Variants in KREMEN1 observed in about 807,000 individuals in gnomAD.
KREMEN1 encodes the protein kringle containing transmembrane protein 1, also known as kremen protein 1.
Under a neutral mutation model 46.5 loss-of-function variants are expected in KREMEN1, and 30 were observed. The ratio of observed to expected loss-of-function variants is 0.65; its 90% CI spans 0.48 to 0.88. The LOEUF (loss-of-function observed/expected upper bound fraction) is 0.88. Ranked by LOEUF, KREMEN1 falls within the 40% of genes least tolerant of loss-of-function variation. The probability of loss-of-function intolerance (pLI) is 0.00; values close to 1 mark genes in which losing one functional copy is unlikely to be tolerated. For missense variants in KREMEN1, 533 were observed against 596.9 expected, an observed-to-expected ratio of 0.89 and a Z score of 1.11; for synonymous variants, 214 against 230.6, an observed-to-expected ratio of 0.93 and a Z score of 0.65.
Position 29,145,627 on chromosome 22 carries a change from G to C in KREMEN1, c.*3515G>C. 1.0e-6 allele frequency: 1 copy of C among 985,526 alleles called. No individual in the cohort carries two copies. The highest frequency in any genetic ancestry group is 1.2e-6 in the Non-Finnish European group (1 of 829,994). The allele number at this position is 985,526 out of a possible 1,614,324, so 61.0% of individuals were successfully genotyped here. On this transcript the variant is annotated 3_prime_UTR_variant, in exon 9 of 9. Coordinates refer to ENST00000400335, the MANE Select transcript of KREMEN1 (RefSeq NM_001039570.3). ...CTGAGAAGGCAGGCGGGAGGCACAC[G>C]GTGCCCTGTTCTTCCCCGTTTGTCC... is the stretch of plus-strand genomic sequence containing the variant.
intron 1 of KREMEN1, among the ~76,000 whole-genome samples, chr22:29,087,374 A>C (rs1224172325): frequency 6.6e-6 from 1 of 152,228 alleles, no homozygotes; most frequent in Non-Finnish European, 1.5e-5. Context: ...AGATCTAACT[A>C]GTAATTCTAC....
At chr22:29,161,545 T>C (rs1346471143) in intron 9 of KREMEN1, among the ~76,000 whole-genome samples, 5 of 141,534 alleles carry the variant, frequency 3.5e-5, no homozygotes, top group African/African-American at 1.0e-4. Context: ...ATTGAATTGG[T>C]ACTAAAAAAC....
intron 9 of KREMEN1, among the ~76,000 whole-genome samples, chr22:29,155,018 G>GA (rs76306445): frequency 0.033 from 4,959 of 148,388 alleles, 196 homozygotes; most frequent in East Asian, 0.16. Context: ...CAAAGGCAAT[G>GA]AAAAAAAAAG....
At chr22:29,149,438 G>A (rs1346173990), downstream of KREMEN1, among the ~76,000 whole-genome samples, 1 of 152,184 alleles carries the variant, frequency 6.6e-6, no homozygotes, top group Non-Finnish European at 1.5e-5. Flanking sequence ...TGGTATTACA[G>A]GCGTGAGCCA....
At chr22:29,081,954 T>A (rs1209105795) in intron 1 of KREMEN1, among the ~76,000 whole-genome samples, 1 of 152,220 alleles carries the variant, frequency 6.6e-6, no homozygotes, top group Non-Finnish European at 1.5e-5. Context: ...CAAGGGAAAC[T>A]GAAAAGCCCA....
intron 1 of KREMEN1, 21 bp from the exon 2 acceptor site, chr22:29,094,235 GCT>G: frequency 2.5e-6 from 4 of 1,585,694 alleles, no homozygotes; most frequent in East Asian, 2.3e-5. Flanking sequence ...AAATTAGTTT[GCT>G]CTGTCTTTTT....
At position 29,102,626 on chromosome 22, in the gene KREMEN1, T is replaced by A. The variant is rs115797661; in HGVS notation, c.352+3673T>A. Reference sequence around the variant, plus strand: ...GTCTGGGCCAATAGGGACTGATTCATGTGGTCATTGAAACCAGGTTCCAGA... The same window carrying A: ...GTCTGGGCCAATAGGGACTGATTCAAGTGGTCATTGAAACCAGGTTCCAGA... On this transcript the variant is annotated intron_variant, in intron 3 of 8. Transcript: ENST00000400335. Among the ~76,000 whole-genome samples the A allele has an allele frequency of 2.3e-3, 352 of 152,332 alleles. 3 individuals are homozygous for A. Among genetic ancestry groups the A allele is most frequent in the African/African-American group, 8.2e-3 (341 of 41,572 alleles).
chr22:29,133,288 G>T, intron 5 of KREMEN1, among the ~76,000 whole-genome samples: 1 of 150,658 alleles, frequency 6.6e-6, no homozygotes, highest in Non-Finnish European at 1.5e-5. Context: ...TTTTATCTTT[G>T]GTTTTGGTTT....
At chr22:29,129,836 G>A (rs2038506580) in intron 5 of KREMEN1, among the ~76,000 whole-genome samples, 2 of 152,206 alleles carry the variant, frequency 1.3e-5, no homozygotes, top group African/African-American at 4.8e-5. Context: ...GACTTGGAGA[G>A]GTCACAGAGG....
Position 29,142,269 on chromosome 22 carries a change from C to A in KREMEN1, c.*157C>A. Reference sequence around the variant, plus strand: ...TCCTCCTACAGACTAGGAAGAGGCACCCTGCTGCCAGGGCAGGCAGAGCCT... The same window carrying A: ...TCCTCCTACAGACTAGGAAGAGGCAACCTGCTGCCAGGGCAGGCAGAGCCT... On this transcript the variant is annotated 3_prime_UTR_variant, in exon 9 of 9. Coordinates refer to ENST00000400335, the MANE Select transcript of KREMEN1 (RefSeq NM_001039570.3). 1.5e-6 allele frequency: 2 copies of A among 1,337,532 alleles called. No homozygotes were observed. The highest frequency in any genetic ancestry group is 1.9e-6 in the Non-Finnish European group (2 of 1,049,222). 82.9% of individuals were successfully genotyped at this position (1,337,532 alleles called of 1,614,324 possible). A position where few individuals can be genotyped will look rare whatever the true frequency, so the allele number is the denominator to read the frequency against.
At chr22:29,108,565 C>T (rs2038096558) in intron 3 of KREMEN1, among the ~76,000 whole-genome samples, 1 of 152,290 alleles carries the variant, frequency 6.6e-6, no homozygotes, top group African/African-American at 2.4e-5. Context: ...ATGAAAGTAC[C>T]AACAGGTATT....
At chr22:29,094,987 C>A (rs2145764421) in intron 2 of KREMEN1, among the ~76,000 whole-genome samples, 1 of 152,322 alleles carries the variant, frequency 6.6e-6, no homozygotes. Flanking sequence ...GCTTTTCTGT[C>A]TGATCACTTC....
Position 29,145,027 on chromosome 22 carries a change from G to A in KREMEN1, c.*2915G>A. 9 of 985,522 alleles carry A rather than the reference G, an allele frequency of 9.1e-6. No individual in the cohort carries two copies. The highest frequency in any genetic ancestry group is 1.1e-5 in the Non-Finnish European group (9 of 829,988). 61.0% of individuals were successfully genotyped at this position (985,522 alleles called of 1,614,324 possible). A position where few individuals can be genotyped will look rare whatever the true frequency, so the allele number is the denominator to read the frequency against. On this transcript the variant is annotated 3_prime_UTR_variant, in exon 9 of 9. Coordinates refer to ENST00000400335, the MANE Select transcript of KREMEN1 (RefSeq NM_001039570.3). ...CTCAGGACAGCGTACGGGCAGGAGG[G>A]CTGTAAATCATCCCAGGCTAAGCCT...
chr22:29,111,379 G>A (rs558724953), intron 3 of KREMEN1, among the ~76,000 whole-genome samples: 3 of 151,502 alleles, frequency 2.0e-5, no homozygotes, highest in Non-Finnish European at 2.9e-5. Flanking sequence ...TTGGGAGGCC[G>A]AGGCGGGCGG....
At chr22:29,113,324 T>C (rs150988624) in intron 3 of KREMEN1, among the ~76,000 whole-genome samples, 2 of 152,376 alleles carry the variant, frequency 1.3e-5, no homozygotes, top group East Asian at 3.9e-4. Context: ...GAAAATGTGC[T>C]GTATGCTATA....
chr22:29,076,630 C>G (rs953015600), intron 1 of KREMEN1, among the ~76,000 whole-genome samples: 4 of 152,184 alleles, frequency 2.6e-5, no homozygotes, highest in African/African-American at 9.7e-5. Flanking sequence ...GCAGACGGAT[C>G]ACCTGAGGTC....
chr22:29,161,297 G>C (rs1054810913), intron 9 of KREMEN1, among the ~76,000 whole-genome samples: 9 of 151,770 alleles, frequency 5.9e-5, no homozygotes, highest in African/African-American at 9.7e-5. Flanking sequence ...CATGAGGTCA[G>C]GAGATCGAGA....
intron 3 of KREMEN1, among the ~76,000 whole-genome samples, chr22:29,112,950 A>AC (rs1556007827): frequency 1.3e-5 from 2 of 152,186 alleles, no homozygotes; most frequent in African/African-American, 4.8e-5. Flanking sequence ...GACAAGTCAG[A>AC]GGCAGTGGCC....
intron 1 of KREMEN1, among the ~76,000 whole-genome samples, chr22:29,083,032 C>T (rs2037679356): frequency 6.6e-6 from 1 of 152,172 alleles, no homozygotes; most frequent in South Asian, 2.1e-4. Context: ...GCCCCAGCCT[C>T]CCGAGTAGCT....
Sources: gnomAD v4.1 joint callset for allele counts (sites outside exome capture counted in the v4.1 genomes callset) on GRCh38, gnomAD v4.1.1 for gene constraint, MANE v1.5 for transcripts, NCBI Gene and HGNC (gene_info 2026-07-23, HGNC 2026-07-21) for gene names.